The following GRID2 variants were observed in gnomAD, a reference collection of about 807,000 sequenced individuals.
The protein encoded by GRID2 is glutamate ionotropic receptor delta type subunit 2, also known as glutamate receptor ionotropic, delta-2.
In GRID2, 33 loss-of-function variants were observed where a neutral mutation model predicts 114.8. The observed-to-expected ratio is 0.29, with a 90% CI of 0.22 to 0.38. The LOEUF is 0.38. GRID2 is among the 10% of genes least tolerant of loss of function. The pLI is 1.00. For synonymous variants in GRID2, 505 were observed against 449.9 expected (o/e 1.12, Z -1.55); for missense variants, 1,184 against 1,257.7 (o/e 0.94, Z 0.89).
rs911247769 is a variant in GRID2, at chr4:93,455,697, T to A, written c.1581T>A (p.Thr527=). 5.9e-5 allele frequency: 95 copies of A among 1,612,910 alleles called. No individual in the cohort carries two copies. The highest frequency in any genetic ancestry group is 7.7e-5 in the Non-Finnish European group (91 of 1,179,088). Residue 527 remains threonine, a synonymous_variant, in exon 11 of 16, where the codon ACT becomes ACA. Coordinates refer to ENST00000282020, the MANE Select transcript of GRID2 (RefSeq NM_001510.4). ...ADIGISALTI[T]PDRENVVDFT... ...TAGGGATTTCTGCTTTAACCATCAC[T>A]CCAGATCGTGAAAATGTGGTGGACT...
intron 1 of GRID2, among the ~76,000 whole-genome samples, chr4:92,561,622 T>G (rs1727106461): frequency 6.6e-6 from 1 of 152,226 alleles, no homozygotes; most frequent in African/African-American, 2.4e-5. Context: ...GTGGGATAGA[T>G]TATTTCTGCC....
chr4:92,508,917 G>A (rs1724107452), intron 1 of GRID2, among the ~76,000 whole-genome samples: 1 of 151,816 alleles, frequency 6.6e-6, no homozygotes. Flanking sequence ...GCAGTAGTTA[G>A]ATCCAGGATC....
At chr4:93,433,645 A>G (rs1213953758) in intron 10 of GRID2, among the ~76,000 whole-genome samples, 1 of 152,186 alleles carries the variant, frequency 6.6e-6, no homozygotes, top group Admixed American at 6.5e-5. Context: ...CCTATTGTCT[A>G]GGATCCCGCA....
At chr4:92,595,721 T>C (rs1173754032) in intron 2 of GRID2, among the ~76,000 whole-genome samples, 2 of 152,104 alleles carry the variant, frequency 1.3e-5, no homozygotes, top group African/African-American at 2.4e-5. Context: ...GTTATAAAAA[T>C]ACATACATAT....
intron 1 of GRID2, among the ~76,000 whole-genome samples, chr4:92,516,370 TTACTA>T (rs1441727140): frequency 6.6e-6 from 1 of 151,888 alleles, no homozygotes; most frequent in African/African-American, 2.4e-5. Flanking sequence ...AACAACTTCT[TTACTA>T]TAACATCATT....
chr4:92,916,242 A>G (rs76583650), intron 2 of GRID2, among the ~76,000 whole-genome samples: 2,209 of 152,170 alleles, frequency 0.015, 21 homozygotes, highest in East Asian at 0.053. Context: ...GTTAATTTTT[A>G]TACATGGTAT....
At chr4:93,064,938 A>T (rs953789769) in intron 2 of GRID2, among the ~76,000 whole-genome samples, 32 of 151,832 alleles carry the variant, frequency 2.1e-4, no homozygotes, top group Admixed American at 5.3e-4. Context: ...TCCATTATAG[A>T]TTTGGCGAAT....
intron 1 of GRID2, among the ~76,000 whole-genome samples, chr4:92,400,205 A>G (rs1195001265): frequency 6.6e-6 from 1 of 152,142 alleles, no homozygotes; most frequent in African/African-American, 2.4e-5. Context: ...TTTAATGGTA[A>G]AACGTTTGTA....
At chr4:93,695,028 C>T (rs543178597) in intron 14 of GRID2, among the ~76,000 whole-genome samples, 7 of 151,932 alleles carry the variant, frequency 4.6e-5, no homozygotes, top group Admixed American at 2.0e-4. Context: ...AAAATTAGCC[C>T]GGCATGGTGG....
chr4:93,384,182 AT>A (rs1764110397), intron 8 of GRID2, among the ~76,000 whole-genome samples: 1 of 152,128 alleles, frequency 6.6e-6, no homozygotes, highest in Non-Finnish European at 1.5e-5. Context: ...AAGGGAGCTA[AT>A]CCTATTCATG....
intron 2 of GRID2, among the ~76,000 whole-genome samples, chr4:92,628,817 T>C (rs1291046468): frequency 6.6e-6 from 1 of 152,174 alleles, no homozygotes; most frequent in Non-Finnish European, 1.5e-5. Context: ...AATATGAAAC[T>C]GTCCATTCTC....
rs113578106 is a variant in GRID2, at chr4:93,649,916, TA to T, written c.2360+23489del. 2.6e-5 allele frequency among the ~76,000 whole-genome samples: 4 copies of T among 152,040 alleles called. No individual in the cohort carries two copies. The South Asian group carries it at 8.3e-4, about 32-fold the overall frequency. The stretch of plus-strand genomic sequence containing the variant: ...GGTTTTGAATCAGGCACTATGAAGA[TA>T]AAAAAAAGAAAAACAGAATAAATAA... On this transcript the variant is annotated intron_variant, in intron 14 of 15. Transcript: ENST00000282020.
At chr4:92,777,641 T>A (rs1209563763) in intron 2 of GRID2, among the ~76,000 whole-genome samples, 1 of 150,394 alleles carries the variant, frequency 6.6e-6, no homozygotes. Flanking sequence ...AAAGAAGTAA[T>A]GAAGGTTAAA....
At chr4:92,389,461 G>C (rs566625627) in intron 1 of GRID2, among the ~76,000 whole-genome samples, 10 of 152,114 alleles carry the variant, frequency 6.6e-5, no homozygotes, top group Admixed American at 2.6e-4. Context: ...ACTCTAAGAA[G>C]TAACCATTAA....
chr4:92,308,974 C>T (rs1015549870), intron 1 of GRID2, among the ~76,000 whole-genome samples: 1 of 151,978 alleles, frequency 6.6e-6, no homozygotes, highest in Non-Finnish European at 1.5e-5. Context: ...AAGCACAATT[C>T]AAGTGTGTAT....
At chr4:93,710,421 G>A (rs1469944428) in intron 14 of GRID2, among the ~76,000 whole-genome samples, 4 of 152,064 alleles carry the variant, frequency 2.6e-5, no homozygotes, top group Admixed American at 6.6e-5. Context: ...TTTACTTTTC[G>A]CTAAACGAAT....
At chr4:93,575,742 CTCTCATCCA>C (rs1205742528) in intron 13 of GRID2, among the ~76,000 whole-genome samples, 10 of 152,016 alleles carry the variant, frequency 6.6e-5, no homozygotes, top group Non-Finnish European at 1.0e-4. Context: ...TGTATCTGAT[CTCTCATCCA>C]TGGGCCCCAG....
At chr4:92,671,808 G>A (rs1733086868) in intron 2 of GRID2, among the ~76,000 whole-genome samples, 1 of 151,996 alleles carries the variant, frequency 6.6e-6, no homozygotes, top group African/African-American at 2.4e-5. Context: ...TTATAATGTA[G>A]CTCTCCTCCC....
chr4:92,948,768 A>G (rs147521410), intron 2 of GRID2, among the ~76,000 whole-genome samples: 147 of 152,196 alleles, frequency 9.7e-4, no homozygotes, highest in African/African-American at 3.5e-3. Flanking sequence ...AAATTGAAGT[A>G]TAATGAATTA....
Sources: allele counts gnomAD v4.1 joint callset (sites outside exome capture counted in the v4.1 genomes callset), GRCh38; gene constraint gnomAD v4.1.1; transcripts MANE v1.5; gene names NCBI Gene and HGNC (gene_info 2026-07-23, HGNC 2026-07-21).